TRAPPC9: variants seen among roughly 807,000 people sequenced by gnomAD.
TRAPPC9 encodes the protein IKK2 binding protein.
A neutral mutation model predicts 124.0 loss-of-function variants in TRAPPC9; 83 were observed. The observed-to-expected ratio is 0.67, with a 90% CI of 0.56 to 0.80. The LOEUF (loss-of-function observed/expected upper bound fraction) is 0.80, where lower values mean the gene tolerates loss of function less well. Among genes scored for constraint, TRAPPC9 ranks in the 30% least tolerant of loss-of-function variants. The pLI, the probability that TRAPPC9 is intolerant of heterozygous loss-of-function variation, is 0.00. For missense variants in TRAPPC9, 1,302 were observed against 1,508.3 expected, an observed-to-expected ratio of 0.86 and a Z score of 2.27; for synonymous variants, 638 against 617.5, an observed-to-expected ratio of 1.03 and a Z score of -0.49.
intron 17 of TRAPPC9, among the ~76,000 whole-genome samples, chr8:140,026,638 G>C (rs1311999650): frequency 6.6e-6 from 1 of 151,980 alleles, no homozygotes; most frequent in East Asian, 1.9e-4. Context: ...TATCTTCTTT[G>C]GAGAAATTTC....
At chr8:139,795,132 A>C (rs1400838638) in intron 21 of TRAPPC9, among the ~76,000 whole-genome samples, 2 of 152,036 alleles carry the variant, frequency 1.3e-5, no homozygotes, top group African/African-American at 4.8e-5. Context: ...AGGCACAAAA[A>C]CTGATTTCAC....
chr8:139,757,590 G>A (rs1167005164), intron 21 of TRAPPC9, among the ~76,000 whole-genome samples: 1 of 152,010 alleles, frequency 6.6e-6, no homozygotes. Flanking sequence ...CATGTCGCAG[G>A]GGCCCTGGAA....
intron 16 of TRAPPC9, among the ~76,000 whole-genome samples, chr8:140,242,136 C>CAGAGAG (rs36214777): frequency 2.7e-5 from 4 of 146,166 alleles, no homozygotes; most frequent in African/African-American, 7.7e-5. Flanking sequence ...AAGAGGCAGA[C>CAGAGAG]AGAGAGAGAG....
intron 17 of TRAPPC9, among the ~76,000 whole-genome samples, chr8:140,188,043 C>T (rs1357221628): frequency 6.6e-6 from 1 of 152,126 alleles, no homozygotes; most frequent in Non-Finnish European, 1.5e-5. Flanking sequence ...TCTCATTTTT[C>T]CAGTTTACTC....
intron 21 of TRAPPC9, among the ~76,000 whole-genome samples, chr8:139,832,709 A>G (rs752743138): frequency 6.6e-6 from 1 of 152,020 alleles, no homozygotes; most frequent in Non-Finnish European, 1.5e-5. Flanking sequence ...CCGCCTCATG[A>G]GCCTGCCCAG....
At chr8:139,903,335 C>T (rs548715216) in intron 20 of TRAPPC9, among the ~76,000 whole-genome samples, 2 of 152,118 alleles carry the variant, frequency 1.3e-5, no homozygotes, top group Non-Finnish European at 2.9e-5. Context: ...ATGGAGGAGG[C>T]GGATGCGCCT....
chr8:140,180,694 T>G (rs2131006144), intron 17 of TRAPPC9, among the ~76,000 whole-genome samples: 1 of 152,076 alleles, frequency 6.6e-6, no homozygotes, highest in African/African-American at 2.4e-5. Flanking sequence ...TTTTTTTTTT[T>G]TTTACCAAGT....
chr8:139,932,620 C>T (rs1349300769), intron 19 of TRAPPC9: 1 of 423,850 alleles, frequency 2.4e-6, no homozygotes, highest in Non-Finnish European at 4.8e-6. Flanking sequence ...AAAAATTAGC[C>T]AGGTGTGTTG....
chr8:140,139,373 C>T (rs958933697), intron 17 of TRAPPC9, among the ~76,000 whole-genome samples: 2 of 152,178 alleles, frequency 1.3e-5, no homozygotes, highest in Non-Finnish European at 2.9e-5. Flanking sequence ...ACGGTGCTCA[C>T]AGGAATGTTC....
intron 16 of TRAPPC9, among the ~76,000 whole-genome samples, chr8:140,249,206 G>A (rs901818330): frequency 5.9e-5 from 9 of 152,100 alleles, no homozygotes; most frequent in Non-Finnish European, 1.3e-4. Context: ...AGTAGCCCCC[G>A]TGTCTGTTGC....
At chr8:140,033,161 GCTT>G (rs1840609568) in intron 17 of TRAPPC9, among the ~76,000 whole-genome samples, 1 of 152,024 alleles carries the variant, frequency 6.6e-6, no homozygotes, top group Non-Finnish European at 1.5e-5. Flanking sequence ...AGACAGTTTT[GCTT>G]CTTCATTTCC....
chr8:139,834,066 G>A (rs1826167201), intron 21 of TRAPPC9, among the ~76,000 whole-genome samples: 1 of 152,192 alleles, frequency 6.6e-6, no homozygotes, highest in African/African-American at 2.4e-5. Context: ...GCCCTGTGTG[G>A]GCCTCTGGAA....
intron 1 of TRAPPC9, among the ~76,000 whole-genome samples, chr8:140,455,954 C>A (rs996065923): frequency 6.6e-6 from 1 of 152,084 alleles, no homozygotes. Context: ...ATAGGAAATG[C>A]CCTGAATATG....
intron 1 of TRAPPC9, 36 bp from the exon 2 acceptor site, chr8:140,451,419 G>C: frequency 6.4e-7 from 1 of 1,551,396 alleles, no homozygotes; most frequent in Non-Finnish European, 8.8e-7. Context: ...GTGAGACACA[G>C]AGTCCTGAGT....
At chr8:140,045,553 G>C (rs1280572516) in intron 17 of TRAPPC9, among the ~76,000 whole-genome samples, 3 of 148,136 alleles carry the variant, frequency 2.0e-5, no homozygotes, top group East Asian at 4.0e-4. Flanking sequence ...CTTGAATCTG[G>C]GAGGCGGAGG....
chr8:140,319,822 C>T (rs62529380), intron 9 of TRAPPC9, among the ~76,000 whole-genome samples: 12,744 of 152,178 alleles, frequency 0.084, 657 homozygotes, highest in African/African-American at 0.14. Flanking sequence ...ATTGTTCTTA[C>T]AGAAGGAGAA....
chr8:140,437,978 C>G (rs2070879772), intron 3 of TRAPPC9, among the ~76,000 whole-genome samples: 1 of 152,148 alleles, frequency 6.6e-6, no homozygotes, highest in African/African-American at 2.4e-5. Context: ...AGGATTTCTT[C>G]TTCCCTTTCT....
intron 17 of TRAPPC9, among the ~76,000 whole-genome samples, chr8:140,208,832 T>G (rs1351693136): frequency 6.6e-6 from 1 of 151,814 alleles, no homozygotes; most frequent in Non-Finnish European, 1.5e-5. Flanking sequence ...AGAAGCAGAT[T>G]TTTTTTTCAA....
intron 19 of TRAPPC9, among the ~76,000 whole-genome samples, chr8:139,980,467 C>T (rs1398776260): frequency 3.3e-5 from 5 of 152,208 alleles, no homozygotes; most frequent in Admixed American, 2.6e-4. Flanking sequence ...GCCCTGCACA[C>T]GAGCCATGAC....
Sources: gnomAD v4.1 joint callset for allele counts (sites outside exome capture counted in the v4.1 genomes callset) on GRCh38, gnomAD v4.1.1 for gene constraint, MANE v1.5 for transcripts, NCBI Gene and HGNC (gene_info 2026-07-23, HGNC 2026-07-21) for gene names.